KCNH7: variants seen among roughly 807,000 people sequenced by gnomAD.
KCNH7 encodes the protein voltage-gated inwardly rectifying potassium channel KCNH7.
A neutral mutation model predicts 120.8 loss-of-function variants in KCNH7; 49 were observed. The ratio of observed to expected loss-of-function variants is 0.41; its 90% CI spans 0.32 to 0.51. The LOEUF is 0.51. Among genes scored for constraint, KCNH7 ranks in the 20% least tolerant of loss-of-function variants. The pLI, the probability that KCNH7 is intolerant of heterozygous loss-of-function variation, is 0.38. For synonymous variants in KCNH7, 547 were observed against 516.1 expected, an observed-to-expected ratio of 1.06 and a Z score of -0.81; for missense variants, 1,097 against 1,446.6, an observed-to-expected ratio of 0.76 and a Z score of 3.92.
chr2:162,668,210 G>A (rs952351627), intron 2 of KCNH7, among the ~76,000 whole-genome samples: 3 of 152,166 alleles, frequency 2.0e-5, no homozygotes, highest in Non-Finnish European at 4.4e-5. Context: ...ATCTGAACTT[G>A]ACAGCTACCC....
chr2:162,817,858 A>G (rs1440833343), intron 2 of KCNH7, among the ~76,000 whole-genome samples: 1 of 152,086 alleles, frequency 6.6e-6, no homozygotes, highest in African/African-American at 2.4e-5. Context: ...TAAGCCTCTT[A>G]CATCTGTTTT....
intron 6 of KCNH7, among the ~76,000 whole-genome samples, chr2:162,469,748 T>C (rs955742071): frequency 3.3e-5 from 5 of 149,638 alleles, no homozygotes; most frequent in East Asian, 4.1e-4. Flanking sequence ...GGTCTCCCTC[T>C]GATGCCGAGC....
intron 2 of KCNH7, among the ~76,000 whole-genome samples, chr2:162,773,407 G>A (rs1683129809): frequency 6.6e-6 from 1 of 152,056 alleles, no homozygotes; most frequent in Admixed American, 6.5e-5. Context: ...AGAATCGCTC[G>A]AACCCAGGAG....
chr2:162,711,455 A>T (rs551107036), intron 2 of KCNH7, among the ~76,000 whole-genome samples: 1 of 152,228 alleles, frequency 6.6e-6, no homozygotes, highest in East Asian at 1.9e-4. Flanking sequence ...CATTTGAAAG[A>T]CTTCTGCAAC....
At chr2:162,809,976 C>T (rs1378753224) in intron 2 of KCNH7, among the ~76,000 whole-genome samples, 1 of 17,178 alleles carries the variant, frequency 5.8e-5, no homozygotes, top group Non-Finnish European at 1.5e-4. Context: ...AGTGCAGTGG[C>T]GCAATCTCAG....
chr2:162,535,630 A>G (rs1692078061), intron 3 of KCNH7, among the ~76,000 whole-genome samples: 1 of 151,834 alleles, frequency 6.6e-6, no homozygotes, highest in Non-Finnish European at 1.5e-5. Flanking sequence ...GTTAACTTAT[A>G]CAATTAATGT....
chr2:162,402,285 A>C (rs1243567414), intron 9 of KCNH7, among the ~76,000 whole-genome samples: 1 of 150,280 alleles, frequency 6.7e-6, no homozygotes, highest in Non-Finnish European at 1.5e-5. Flanking sequence ...TGGGTCATTG[A>C]TCCCTTCTAC....
rs1443078606 is a variant in KCNH7, at chr2:162,413,319, G to T, written c.2154+10017C>A. On this transcript the variant is annotated intron_variant, in intron 9 of 15. Coordinates refer to ENST00000332142, the MANE Select transcript of KCNH7 (RefSeq NM_033272.4). ...AATTTTTGTATTTTTAGTACATGGG[G>T]TTTCACCACGTTGGCCAGGCTAGTC... is the stretch of plus-strand genomic sequence containing the variant. Among the ~76,000 whole-genome samples the T allele has an allele frequency of 2.0e-5, 3 of 152,016 alleles. No individual in the cohort carries two copies. In the East Asian group the frequency reaches 5.8e-4, roughly 29 times the overall value.
chr2:162,650,888 G>A (rs772003795), intron 2 of KCNH7, among the ~76,000 whole-genome samples: 5 of 152,178 alleles, frequency 3.3e-5, no homozygotes, highest in African/African-American at 4.8e-5. Context: ...CTGAGGCTCT[G>A]TCAGCAGGTA....
chr2:162,760,961 C>G (rs1215678427), intron 2 of KCNH7, among the ~76,000 whole-genome samples: 2 of 152,022 alleles, frequency 1.3e-5, no homozygotes, highest in African/African-American at 4.8e-5. Context: ...TACAATTGCT[C>G]TATCATTCTA....
chr2:162,534,111 A>G (rs1178910695), intron 3 of KCNH7, among the ~76,000 whole-genome samples: 1 of 151,504 alleles, frequency 6.6e-6, no homozygotes, highest in African/African-American at 2.4e-5. Flanking sequence ...CATATTTTCT[A>G]GGAAAAATAA....
intron 2 of KCNH7, among the ~76,000 whole-genome samples, chr2:162,803,149 T>C (rs968882896): frequency 1.2e-4 from 18 of 151,792 alleles, no homozygotes; most frequent in Non-Finnish European, 2.5e-4. Context: ...GCCAATTTAT[T>C]CACAGACAAA....
At chr2:162,769,195 A>G (rs1003192831) in intron 2 of KCNH7, among the ~76,000 whole-genome samples, 7 of 152,150 alleles carry the variant, frequency 4.6e-5, no homozygotes, top group African/African-American at 1.7e-4. Context: ...GCTAGCTTGA[A>G]CAACAGACCT....
intron 6 of KCNH7, among the ~76,000 whole-genome samples, chr2:162,477,334 G>A (rs1010245020): frequency 2.0e-5 from 3 of 152,222 alleles, no homozygotes; most frequent in Non-Finnish European, 4.4e-5. Flanking sequence ...GGGAGCACAA[G>A]AGTCAAAGCC....
chr2:162,783,445 T>A (rs899301193), intron 2 of KCNH7, among the ~76,000 whole-genome samples: 1 of 152,140 alleles, frequency 6.6e-6, no homozygotes, highest in African/African-American at 2.4e-5. Context: ...CAAACTTACA[T>A]CCTTTGTAGG....
At chr2:162,404,577 C>A (rs921834868) in intron 9 of KCNH7, among the ~76,000 whole-genome samples, 1 of 151,776 alleles carries the variant, frequency 6.6e-6, no homozygotes. Context: ...GTGTGTAACA[C>A]CTCCTTCCAC....
At chr2:162,532,090 G>A (rs1173066951) in intron 3 of KCNH7, among the ~76,000 whole-genome samples, 1 of 151,870 alleles carries the variant, frequency 6.6e-6, no homozygotes, top group Non-Finnish European at 1.5e-5. Flanking sequence ...TAAAGGAGGA[G>A]TCAAATAAAA....
At position 162,648,998 on chromosome 2, in the gene KCNH7, T is replaced by C. The variant is rs926865935; in HGVS notation, c.308-111918A>G. Among the ~76,000 whole-genome samples the C allele has an allele frequency of 3.3e-5, 5 of 152,352 alleles. No individual in the cohort carries two copies. The South Asian group carries it at 1.0e-3, about 32-fold the overall frequency. ...TGATTCTCCAGGTTTTGGCAGGACA[T>C]TGTTTCACATGTCATTCTTGACAAT... On this transcript the variant is annotated intron_variant, in intron 2 of 15. Transcript: ENST00000332142.
At position 162,494,049 on chromosome 2, in the gene KCNH7, G is replaced by T. The variant is rs149311823; in HGVS notation, c.1128+10394C>A. On this transcript the variant is annotated intron_variant, in intron 6 of 15. Transcript: ENST00000332142. ...GTTATTTAACAAAGATTTGTAAAGGGTTATAAAAGGTTTACAAGAATCTCA... is the reference window on the plus strand; with the variant it reads ...GTTATTTAACAAAGATTTGTAAAGGTTTATAAAAGGTTTACAAGAATCTCA... Among the ~76,000 whole-genome samples the T allele has an allele frequency of 4.1e-3, 622 of 152,214 alleles. 5 individuals carry two copies. Among genetic ancestry groups the T allele is most frequent in the African/African-American group, 0.014 (592 of 41,530 alleles).
Sources: gnomAD v4.1 joint callset for allele counts (sites outside exome capture counted in the v4.1 genomes callset) on GRCh38, gnomAD v4.1.1 for gene constraint, MANE v1.5 for transcripts, NCBI Gene and HGNC (gene_info 2026-07-23, HGNC 2026-07-21) for gene names.